ABHD10: variants seen among roughly 807,000 people sequenced by gnomAD.
ABHD10 encodes the protein palmitoyl-protein thioesterase ABHD10, mitochondrial.
A neutral mutation model predicts 33.1 loss-of-function variants in ABHD10; 22 were observed. The observed-to-expected ratio is 0.66, with a 90% CI of 0.47 to 0.95. The LOEUF (loss-of-function observed/expected upper bound fraction) is 0.95, where lower values mean the gene tolerates loss of function less well. ABHD10 is among the 40% of genes least tolerant of loss of function. ABHD10 has a pLI of 0.00. For synonymous variants in ABHD10, 146 were observed against 133.9 expected, an observed-to-expected ratio of 1.09 and a Z score of -0.62; for missense variants, 352 against 379.9, an observed-to-expected ratio of 0.93 and a Z score of 0.61.
intron 4 of ABHD10, among the ~76,000 whole-genome samples, chr3:111,989,979 T>G (rs2072721122): frequency 6.6e-6 from 1 of 152,042 alleles, no homozygotes; most frequent in African/African-American, 2.4e-5. Flanking sequence ...TGTTGAAACT[T>G]TAAATTTTTC....
Position 111,991,411 on chromosome 3 carries a change from G to A in ABHD10, c.611G>A (p.Ser204Asn). 1 of 1,612,850 alleles carries A rather than the reference G, an allele frequency of 6.2e-7. No individual in the cohort carries two copies. The highest frequency in any genetic ancestry group is 1.7e-4 in the Middle Eastern group (1 of 6,056). Residue 204 changes from serine to asparagine, a missense_variant, in exon 5 of 5, where the codon AGC (serine) becomes AAC (asparagine). Transcript: ENST00000273359. ...KKEVEMKGVW[S>N]MPSKYSEEGV... is the part of the protein sequence containing the mutation. ...GAAGTAGAGATGAAAGGTGTGTGGAGCATGCCATCAAAATACTCTGAAGAA... is the reference window on the plus strand; with the variant it reads ...GAAGTAGAGATGAAAGGTGTGTGGAACATGCCATCAAAATACTCTGAAGAA...
intron 4 of ABHD10, among the ~76,000 whole-genome samples, chr3:111,989,607 C>G (rs2072716776): frequency 6.6e-6 from 1 of 152,194 alleles, no homozygotes; most frequent in South Asian, 2.1e-4. Flanking sequence ...TAAGTTCTAT[C>G]TGCTGAAGTA....
In ABHD10 at chr3:111,979,207, A is replaced by C. The variant is rs567007517; in HGVS notation, c.142+4A>C. The C allele has an allele frequency of 1.3e-6, 2 of 1,593,668 alleles. No individual in the cohort carries two copies. The highest frequency in any genetic ancestry group is 4.5e-5 in the East Asian group (2 of 44,108). On this transcript the variant is annotated splice_donor_region_variant and intron_variant, in intron 1 of 4. Coordinates refer to ENST00000273359, the MANE Select transcript of ABHD10 (RefSeq NM_018394.4). The stretch of plus-strand genomic sequence containing the variant: ...CGGGCGCCACGGTGGCTCCCAGGTC[A>C]GTGTCCGAAAGGCGGGAGTAGGATG...
Position 111,991,744 on chromosome 3 carries a change from T to C in ABHD10, c.*23T>C. On this transcript the variant is annotated 3_prime_UTR_variant, in exon 5 of 5. Transcript: ENST00000273359. ...TAGTATCACATGTTTAGTTGGTATGTAAACTAATGTATCCAGAAGATTGGA... is the reference window on the plus strand; with the variant it reads ...TAGTATCACATGTTTAGTTGGTATGCAAACTAATGTATCCAGAAGATTGGA... 1.3e-6 allele frequency: 2 copies of C among 1,544,228 alleles called. No homozygotes were observed. Among genetic ancestry groups the C allele is most frequent in the Non-Finnish European group, 1.8e-6 (2 of 1,125,162 alleles).
intron 2 of ABHD10, among the ~76,000 whole-genome samples, chr3:111,983,350 C>T (rs1049939311): frequency 2.0e-5 from 3 of 152,026 alleles, no homozygotes; most frequent in African/African-American, 4.8e-5. Flanking sequence ...AAATTTGAAT[C>T]GAGAAATCAC....
At chr3:111,991,314 A>G (rs2107714305) in intron 4 of ABHD10, 63 bp from the exon 5 acceptor site, 1 of 1,380,170 alleles carries the variant, frequency 7.2e-7, no homozygotes, top group Non-Finnish European at 1.0e-6. Context: ...ACTTAAAACT[A>G]TTGCATGTGT....
intron 2 of ABHD10, among the ~76,000 whole-genome samples, chr3:111,982,635 G>A (rs2072601407): frequency 6.6e-6 from 1 of 152,048 alleles, no homozygotes; most frequent in African/African-American, 2.4e-5. Context: ...GAATAAATTC[G>A]AGCAATAACT....
At chr3:111,980,173 C>T (rs2072564083) in intron 1 of ABHD10, among the ~76,000 whole-genome samples, 1 of 152,016 alleles carries the variant, frequency 6.6e-6, no homozygotes, top group Non-Finnish European at 1.5e-5. Flanking sequence ...ATAATCATCT[C>T]GGGGAAATTA....
chr3:111,979,214 G>A lies in ABHD10; in HGVS notation c.142+11G>A, dbSNP rs764295275. ...CACGGTGGCTCCCAGGTCAGTGTCC[G>A]AAAGGCGGGAGTAGGATGCGTTCTT... On this transcript the variant is annotated intron_variant, in intron 1 of 4. Transcript: ENST00000273359. 8 of 1,590,818 alleles carry A rather than the reference G, an allele frequency of 5.0e-6. No homozygotes were observed. The highest frequency in any genetic ancestry group is 1.3e-5 in the African/African-American group (1 of 74,320).
At position 111,991,416 on chromosome 3, in the gene ABHD10, C is replaced by G; in HGVS notation, c.616C>G (p.Pro206Ala). Residue 206 changes from proline (P) to alanine (A), a missense_variant, in exon 5 of 5, where the codon CCA becomes GCA. By Grantham distance (27) the Pro-to-Ala change is conservative. Coordinates refer to ENST00000273359, the MANE Select transcript of ABHD10 (RefSeq NM_018394.4). ...AGAGATGAAAGGTGTGTGGAGCATG[C>G]CATCAAAATACTCTGAAGAAGGAGT... Reference protein sequence around the residue: ...EVEMKGVWSMPSKYSEEGVYN... With the variant: ...EVEMKGVWSMASKYSEEGVYN... The G allele has an allele frequency of 6.2e-7, 1 of 1,612,710 alleles. No homozygotes were observed.
chr3:111,979,319 T>G (rs1390434970), intron 1 of ABHD10, 116 bp downstream of exon 1: 6 of 1,216,480 alleles, frequency 4.9e-6, no homozygotes, highest in Non-Finnish European at 6.7e-6. Context: ...TCCTCCCCCT[T>G]TCTCAACACC....
chr3:111,979,054 C>T lies in ABHD10; in HGVS notation c.-8C>T, dbSNP rs990667528. The T allele has an allele frequency of 3.1e-6, 5 of 1,612,192 alleles. No homozygotes were observed. The highest frequency in any genetic ancestry group is 4.2e-6 in the Non-Finnish European group (5 of 1,179,108). On this transcript the variant is annotated 5_prime_UTR_variant, in exon 1 of 5. Coordinates refer to ENST00000273359, the MANE Select transcript of ABHD10 (RefSeq NM_018394.4). ...GGGACACTGCAGGGTGCGGGGACAA[C>T]TACGAAGATGGCGGTTGCGCGCTTG... is the stretch of plus-strand genomic sequence containing the variant.
In ABHD10 at chr3:111,981,459, A is replaced by G. The variant is rs78263845; in HGVS notation, c.143-325A>G. On this transcript the variant is annotated intron_variant, in intron 1 of 4. Transcript: ENST00000273359. ...TGAATGTTGATTGATACTGTTTAGA[A>G]TACATGATAAAGCAGTAACAAGAAA... 7.8e-3 allele frequency among the ~76,000 whole-genome samples: 1,184 copies of G among 152,282 alleles called. 18 individuals are homozygous for G. The highest frequency in any genetic ancestry group is 0.026 in the African/African-American group (1,096 of 41,550).
Position 111,979,052 on chromosome 3 carries a change from A to C in ABHD10, c.-10A>C. Reference sequence around the variant, plus strand: ...GTGGGACACTGCAGGGTGCGGGGACAACTACGAAGATGGCGGTTGCGCGCT... The same window carrying C: ...GTGGGACACTGCAGGGTGCGGGGACCACTACGAAGATGGCGGTTGCGCGCT... On this transcript the variant is annotated 5_prime_UTR_variant, in exon 1 of 5. Transcript: ENST00000273359. The C allele has an allele frequency of 6.2e-7, 1 of 1,612,166 alleles. No homozygotes were observed. The highest frequency in any genetic ancestry group is 8.5e-7 in the Non-Finnish European group (1 of 1,179,112).
chr3:111,981,636 C>CT lies in ABHD10; in HGVS notation c.143-145dup, dbSNP rs1385471765. 9.2e-5 allele frequency: 61 copies of CT among 663,622 alleles called. No homozygotes were observed. The South Asian group carries it at 1.6e-3, about 17-fold the overall frequency. The allele number at this position is 663,622 out of a possible 1,614,324, so 41.1% of individuals were successfully genotyped here. A position where few individuals can be genotyped will look rare whatever the true frequency, so the allele number is the denominator to read the frequency against. On this transcript the variant is annotated intron_variant, in intron 1 of 4. Transcript: ENST00000273359. Reference sequence around the variant, plus strand: ...ATCTCATGCACAGACTTACTTAGTACTTTGAGTCTGTTCTTGTTTTTTCTA... The same window carrying CT: ...ATCTCATGCACAGACTTACTTAGTACTTTTGAGTCTGTTCTTGTTTTTTCTA...
chr3:111,990,037 A>G (rs991845371), intron 4 of ABHD10, among the ~76,000 whole-genome samples: 1 of 152,010 alleles, frequency 6.6e-6, no homozygotes, highest in Non-Finnish European at 1.5e-5. Context: ...TTTTGATAAG[A>G]TGTCCATTCC....
intron 2 of ABHD10, among the ~76,000 whole-genome samples, chr3:111,983,395 T>C (rs1479644409): frequency 2.0e-5 from 3 of 152,166 alleles, no homozygotes; most frequent in African/African-American, 7.2e-5. Context: ...GCTTTGAGAC[T>C]ATGAGAGTTA....
At chr3:111,985,205 G>T (rs898637450) in intron 2 of ABHD10, among the ~76,000 whole-genome samples, 1 of 152,170 alleles carries the variant, frequency 6.6e-6, no homozygotes, top group African/African-American at 2.4e-5. Flanking sequence ...ATAAAAGGGT[G>T]TAACTGGGAA....
In ABHD10 at chr3:111,991,922, C is replaced by T; in HGVS notation, c.*201C>T. The T allele has an allele frequency of 2.1e-6, 1 of 469,408 alleles. No homozygotes were observed. The highest frequency in any genetic ancestry group is 3.7e-6 in the Non-Finnish European group (1 of 272,618). 29.1% of individuals were successfully genotyped at this position (469,408 alleles called of 1,614,324 possible). A position where few individuals can be genotyped will look rare whatever the true frequency, so the allele number is the denominator to read the frequency against. ...TGCTGTTTAGAAAATTTTCTCCTTC[C>T]TTCTGTCCTTGATTTTTTTTCATTA... On this transcript the variant is annotated 3_prime_UTR_variant, in exon 5 of 5. Transcript: ENST00000273359.
Sources: allele counts gnomAD v4.1 joint callset (sites outside exome capture counted in the v4.1 genomes callset), GRCh38; gene constraint gnomAD v4.1.1; transcripts MANE v1.5; gene names NCBI Gene and HGNC (gene_info 2026-07-23, HGNC 2026-07-21).